Variants in FYCO1 observed in about 807,000 individuals in gnomAD.
FYCO1 encodes FYVE and coiled-coil domain autophagy adaptor 1.
A neutral mutation model predicts 165.1 loss-of-function variants in FYCO1; 122 were observed. The observed-to-expected ratio is 0.74, with a 90% CI of 0.64 to 0.86. FYCO1 has a LOEUF of 0.86. FYCO1 is among the 40% of genes least tolerant of loss of function. FYCO1 has a pLI of 0.00. For synonymous variants in FYCO1, 648 were observed against 742.5 expected, an observed-to-expected ratio of 0.87 and a Z score of 2.07; for missense variants, 1,702 against 1,810.3, an observed-to-expected ratio of 0.94 and a Z score of 1.09.
intron 16 of FYCO1, among the ~76,000 whole-genome samples, chr3:45,924,185 G>C (rs1207454544): frequency 1.3e-5 from 2 of 152,174 alleles, no homozygotes; most frequent in East Asian, 3.9e-4. Context: ...CCTCCTTCCA[G>C]ATAACAATCT....
chr3:45,986,866 G>A (rs1188957799), intron 1 of FYCO1, among the ~76,000 whole-genome samples: 1 of 152,152 alleles, frequency 6.6e-6, no homozygotes, highest in African/African-American at 2.4e-5. Flanking sequence ...ACACACAGCT[G>A]CCCCAGCACA....
intron 6 of FYCO1, 74 bp from the exon 7 acceptor site, chr3:45,969,839 A>T: frequency 2.4e-6 from 3 of 1,253,152 alleles, no homozygotes; most frequent in Non-Finnish European, 3.4e-6. Context: ...GCTGGTCACT[A>T]GGCAACCAGG....
intron 14 of FYCO1, among the ~76,000 whole-genome samples, chr3:45,953,233 C>T (rs1373753286): frequency 6.6e-6 from 1 of 152,168 alleles, no homozygotes; most frequent in Non-Finnish European, 1.5e-5. Flanking sequence ...TCCTAGCTCT[C>T]CTCTGAATTC....
At chr3:45,980,366 A>G (rs993772550) in intron 3 of FYCO1, among the ~76,000 whole-genome samples, 1 of 146,214 alleles carries the variant, frequency 6.8e-6, no homozygotes, top group Admixed American at 6.9e-5. Context: ...AAAAAAAAAA[A>G]GAAAAAGAAA....
At chr3:45,985,395 T>C (rs1247717731) in intron 1 of FYCO1, among the ~76,000 whole-genome samples, 3 of 152,318 alleles carry the variant, frequency 2.0e-5, no homozygotes, top group South Asian at 4.1e-4. Flanking sequence ...CAGCCCAGCT[T>C]CAGACAGCTC....
chr3:45,970,441 A>AC (rs1223866770), intron 6 of FYCO1, among the ~76,000 whole-genome samples: 2 of 152,250 alleles, frequency 1.3e-5, no homozygotes, highest in African/African-American at 4.8e-5. Flanking sequence ...TCACATATGT[A>AC]CATAAGGAGA....
chr3:45,921,731 C>T lies in FYCO1; in HGVS notation c.*34G>A, dbSNP rs1350657892. 1.5e-6 allele frequency: 2 copies of T among 1,370,362 alleles called. No individual in the cohort carries two copies. The highest frequency in any genetic ancestry group is 2.1e-6 in the Non-Finnish European group (2 of 957,310). The allele number at this position is 1,370,362 out of a possible 1,614,324, so 84.9% of individuals were successfully genotyped here. On this transcript the variant is annotated 3_prime_UTR_variant, in exon 18 of 18. Transcript: ENST00000296137. ...GACAGGTGAGGAAGAGCAGTGTTTC[C>T]TGTGGATGAAGTGAAGTTACTGAGG...
rs773069623 is a variant in FYCO1 at position 45,967,674 on chromosome 3, C to T, written c.1660G>A (p.Glu554Lys). Residue 554 changes from glutamate (E) to lysine (K), a missense_variant, in exon 8 of 18, where the codon GAG becomes AAG. By Grantham distance (56) the Glu-to-Lys change is moderately conservative. Transcript: ENST00000296137. ...GGGCCAGGCGGCCCAGCAAGCCGCT[C>T]GAGCATACCCACCTGCTGGCTGAGG... ...DHLSQQVGML[E>K]RLAGPPGPEL... is the part of the protein sequence containing the mutation. 14 of 1,613,788 alleles carry T rather than the reference C, an allele frequency of 8.7e-6. No individual in the cohort carries two copies. Among genetic ancestry groups the T allele is most frequent in the South Asian group, 4.4e-5 (4 of 91,092 alleles).
chr3:45,979,671 C>T (rs759439908), intron 4 of FYCO1, 34 bp downstream of exon 4: 55 of 1,612,308 alleles, frequency 3.4e-5, no homozygotes, highest in South Asian at 1.9e-4. Flanking sequence ...GGCAAAAGGA[C>T]GACATGAAGT....
chr3:45,946,616 T>A lies in FYCO1; in HGVS notation c.3944+8633A>T, dbSNP rs1386486065. The A allele has an allele frequency of 1.9e-6, 3 of 1,614,048 alleles. No individual in the cohort carries two copies. In the African/African-American group the frequency reaches 4.0e-5, roughly 22 times the overall value. ...TGTACCTGGTGGTGTTTGTCTGTGG[T>A]CTGGTGGGGAACTCTCTGGTGCTGG... On this transcript the variant is annotated intron_variant, in intron 14 of 17. Coordinates refer to ENST00000296137, the MANE Select transcript of FYCO1 (RefSeq NM_024513.4).
chr3:45,939,603 A>C (rs1255661175), intron 14 of FYCO1, among the ~76,000 whole-genome samples: 1 of 152,138 alleles, frequency 6.6e-6, no homozygotes. Context: ...GATGCCTGGA[A>C]AATCCCTATG....
chr3:45,976,555 C>T (rs1706770722), intron 4 of FYCO1, among the ~76,000 whole-genome samples: 1 of 152,232 alleles, frequency 6.6e-6, no homozygotes, highest in African/African-American at 2.4e-5. Flanking sequence ...AACCAATACC[C>T]TCCCCACCCC....
chr3:45,965,992 A>G (rs1476629585), intron 8 of FYCO1, among the ~76,000 whole-genome samples: 1 of 152,246 alleles, frequency 6.6e-6, no homozygotes, highest in Non-Finnish European at 1.5e-5. Context: ...AATGTTGGCT[A>G]CTAGTTTTAC....
chr3:45,955,299 C>G lies in FYCO1; in HGVS notation c.3894G>C (p.Leu1298Phe), dbSNP rs1016716588. ...LCQIQESGSS[L>F]PETPTETDSL... ...AATCAGTTTCAGTGGGTGTTTCAGG[C>G]AAAGAGGAGCCGGACTCCTGTATCT... The change falls in exon 14 of 18, where the codon TTG becomes TTC. Residue 1298 changes from leucine (L) to phenylalanine (F), a missense_variant. Leu to Phe is a conservative substitution (Grantham distance 22). Transcript: ENST00000296137. 1.9e-6 allele frequency: 3 copies of G among 1,614,016 alleles called. No individual in the cohort carries two copies. The highest frequency in any genetic ancestry group is 2.7e-5 in the African/African-American group (2 of 74,900).
In FYCO1 at chr3:45,958,597, A is replaced by C. The variant is rs1705502469; in HGVS notation, c.3610T>G (p.Tyr1204Asp). The change falls in exon 13 of 18, where the codon TAC becomes GAC. Residue 1204 changes from tyrosine (Y) to aspartate (D), a missense_variant. Coordinates refer to ENST00000296137, the MANE Select transcript of FYCO1 (RefSeq NM_024513.4). ...HCRICGRIFC[Y>D]YCCNNYVLSK... ...AGGACGTAGTTGTTGCAGCAGTAGT[A>C]ACAGAAGATGCGGCCACATATCCTG... 1 of 1,614,218 alleles carries C rather than the reference A, an allele frequency of 6.2e-7. No individual in the cohort carries two copies.
chr3:45,959,442 G>A lies in FYCO1; in HGVS notation c.3538C>T (p.Leu1180Phe). 6.2e-7 allele frequency: 1 copy of A among 1,614,110 alleles called. No homozygotes were observed. The highest frequency in any genetic ancestry group is 8.5e-7 in the Non-Finnish European group (1 of 1,180,042). ...WLGDTEANHC[L>F]DCKREFSWMV... is the part of the protein sequence containing the mutation. Reference sequence around the variant, plus strand: ...CAGCTGAACTCCCGCTTACAGTCGAGGCAGTGGTTTGCCTCTGTGTCTCCG... The same window carrying A: ...CAGCTGAACTCCCGCTTACAGTCGAAGCAGTGGTTTGCCTCTGTGTCTCCG... The change falls in exon 12 of 18, where the codon CTC (leucine) becomes TTC (phenylalanine). Residue 1180 changes from leucine to phenylalanine, a missense_variant. Physicochemically the swap from Leu to Phe is conservative, Grantham distance 22. Coordinates refer to ENST00000296137, the MANE Select transcript of FYCO1 (RefSeq NM_024513.4).
rs1305753394 is a variant in FYCO1, at chr3:45,918,520, C to T, written c.*3245G>A. 2 of 151,974 alleles carry T rather than the reference C, an allele frequency of 1.3e-5. No individual in the cohort carries two copies. Among genetic ancestry groups the T allele is most frequent in the Non-Finnish European group, 2.9e-5 (2 of 68,014 alleles). The allele number at this position is 151,974 out of a possible 1,614,324, so 9.4% of individuals were successfully genotyped here. A position where few individuals can be genotyped will look rare whatever the true frequency, so the allele number is the denominator to read the frequency against. On this transcript the variant is annotated 3_prime_UTR_variant, in exon 18 of 18. Transcript: ENST00000296137. ...TTCTCTCTGCTTTAATTCCCAACAC[C>T]TCTGAGCCAAGGACAGTTTCTTGGC... is the stretch of plus-strand genomic sequence containing the variant.
At position 45,925,166 on chromosome 3, in the gene FYCO1, G is replaced by A. The variant is rs191549270; in HGVS notation, c.4252-1401C>T. Reference sequence around the variant, plus strand: ...GCTGGTCTCAAACTCCTGACCTAGTGATTCACCCGCCTCGGCCTCCCAAAG... The same window carrying A: ...GCTGGTCTCAAACTCCTGACCTAGTAATTCACCCGCCTCGGCCTCCCAAAG... On this transcript the variant is annotated intron_variant, in intron 16 of 17. Transcript: ENST00000296137. 1.9e-3 allele frequency among the ~76,000 whole-genome samples: 289 copies of A among 151,750 alleles called. 1 individual carries two copies. The highest frequency in any genetic ancestry group is 6.8e-3 in the African/African-American group (281 of 41,372).
rs1705481103 is a variant in FYCO1, at chr3:45,958,412, G to A, written c.3795C>T (p.Gly1265=). 6 of 1,611,940 alleles carry A rather than the reference G, an allele frequency of 3.7e-6. No homozygotes were observed. Among genetic ancestry groups the A allele is most frequent in the Non-Finnish European group, 5.1e-6 (6 of 1,179,826 alleles). ...PASPGPQATG[G]QGANTDYRPP... ...CAGTAGTAGCAGGAGACTGACCTTG[G>A]CCTCCTGTGGCCTGGGGCCCAGGTG... Residue 1265 remains glycine, a synonymous_variant, in exon 13 of 18, where the codon GGC becomes GGT. Transcript: ENST00000296137.
Sources: gnomAD v4.1 joint callset for allele counts (sites outside exome capture counted in the v4.1 genomes callset) on GRCh38, gnomAD v4.1.1 for gene constraint, MANE v1.5 for transcripts, NCBI Gene and HGNC (gene_info 2026-07-23, HGNC 2026-07-21) for gene names.